Variants in ANO4 observed in about 807,000 individuals in gnomAD.
ANO4 encodes anoctamin 4, also known as anoctamin-4.
In ANO4, 69 loss-of-function variants were observed where a neutral mutation model predicts 141.9. The observed-to-expected ratio is 0.49, with a 90% CI of 0.40 to 0.59. The LOEUF is 0.59. Ranked by LOEUF, ANO4 falls within the 20% of genes least tolerant of loss-of-function variation. The pLI is 0.00. For synonymous variants in ANO4, 350 were observed against 394.3 expected, an observed-to-expected ratio of 0.89 and a Z score of 1.33; for missense variants, 894 against 1,162.2, an observed-to-expected ratio of 0.77 and a Z score of 3.36.
chr12:100,865,090 A>G (rs1166752868), intron 1 of ANO4, among the ~76,000 whole-genome samples: 1 of 152,204 alleles, frequency 6.6e-6, no homozygotes, highest in Non-Finnish European at 1.5e-5. Flanking sequence ...TGCAATAAAC[A>G]TATGTGTGCA....
At chr12:101,039,584 C>T (rs2047336765) in intron 10 of ANO4, among the ~76,000 whole-genome samples, 1 of 152,214 alleles carries the variant, frequency 6.6e-6, no homozygotes, top group African/African-American at 2.4e-5. Context: ...GGGCCAGACA[C>T]TTTATTCATT....
chr12:100,761,272 G>A (rs1057326737), intron 3 of ANO4, among the ~76,000 whole-genome samples: 14 of 152,138 alleles, frequency 9.2e-5, no homozygotes, highest in African/African-American at 3.4e-4. Flanking sequence ...ATCTCTTGGG[G>A]TGATTTCCAG....
At chr12:101,090,658 T>A (rs1458467092) in intron 17 of ANO4, among the ~76,000 whole-genome samples, 1 of 151,936 alleles carries the variant, frequency 6.6e-6, no homozygotes, top group Admixed American at 6.6e-5. Context: ...AATGACGAGT[T>A]AACGGGTGCA....
At chr12:100,852,261 T>C (rs1221498473) in intron 1 of ANO4, 1 of 152,156 alleles carries the variant, frequency 6.6e-6, no homozygotes, top group African/African-American at 2.4e-5. Flanking sequence ...ATATTTCAAA[T>C]AAATAAGAAA....
At chr12:101,100,478 A>G (rs80231230) in intron 22 of ANO4, among the ~76,000 whole-genome samples, 5,532 of 152,220 alleles carry the variant, frequency 0.036, 352 homozygotes, top group African/African-American at 0.13. Flanking sequence ...TAGAGTTTCA[A>G]TTATAGAATG....
chr12:101,038,557 C>T (rs139979278), intron 10 of ANO4: 33 of 152,316 alleles, frequency 2.2e-4, no homozygotes, highest in Admixed American at 2.1e-3. Flanking sequence ...GCAATCATTG[C>T]ATCATTGCTT....
chr12:100,867,047 AT>A (rs1646143302), intron 1 of ANO4, among the ~76,000 whole-genome samples: 1 of 151,960 alleles, frequency 6.6e-6, no homozygotes, highest in African/African-American at 2.4e-5. Context: ...ATGGATCCCG[AT>A]TTTCTTTACT....
At chr12:101,092,009 A>G (rs1039102825) in intron 17 of ANO4, among the ~76,000 whole-genome samples, 68 of 152,142 alleles carry the variant, frequency 4.5e-4, no homozygotes, top group African/African-American at 1.6e-3. Context: ...ATAGAAGTGA[A>G]TAGGATGGAA....
intron 3 of ANO4, among the ~76,000 whole-genome samples, chr12:100,753,377 T>C (rs2032468239): frequency 6.6e-6 from 1 of 152,194 alleles, no homozygotes; most frequent in Non-Finnish European, 1.5e-5. Flanking sequence ...GAGGCCATTT[T>C]ATTTTTCAAG....
intron 1 of ANO4, among the ~76,000 whole-genome samples, chr12:100,888,608 G>A (rs2039953317): frequency 6.6e-6 from 1 of 152,228 alleles, no homozygotes; most frequent in Non-Finnish European, 1.5e-5. Flanking sequence ...TCCTTCTTGT[G>A]CCTCCATTGG....
At chr12:100,830,536 G>T (rs1181029735) in intron 1 of ANO4, among the ~76,000 whole-genome samples, 4 of 151,944 alleles carry the variant, frequency 2.6e-5, no homozygotes, top group Admixed American at 1.3e-4. Context: ...CTTTGGGTAA[G>T]CCCAAAGTGT....
intron 5 of ANO4, among the ~76,000 whole-genome samples, chr12:100,947,226 A>G (rs976229008): frequency 2.6e-5 from 4 of 152,244 alleles, no homozygotes; most frequent in African/African-American, 9.6e-5. Context: ...ATGCTAATAC[A>G]AACTATATAT....
chr12:101,018,606 ACTC>A (rs1206492664), intron 8 of ANO4, among the ~76,000 whole-genome samples: 18 of 151,900 alleles, frequency 1.2e-4, no homozygotes, highest in Admixed American at 5.2e-4. Flanking sequence ...TATTTGAACA[ACTC>A]CTGAGAATTC....
intron 25 of ANO4, 84 bp from the exon 26 acceptor site, chr12:101,120,436 T>C: frequency 1.7e-6 from 2 of 1,166,378 alleles, no homozygotes; most frequent in Non-Finnish European, 2.5e-6. Context: ...TCCTATTGAA[T>C]GAGGACTATA....
chr12:100,743,198 G>A (rs2031949095), intron 3 of ANO4, among the ~76,000 whole-genome samples: 1 of 151,732 alleles, frequency 6.6e-6, no homozygotes, highest in African/African-American at 2.4e-5. Context: ...TTCACAAGAC[G>A]TGATCACATA....
intron 1 of ANO4, among the ~76,000 whole-genome samples, chr12:100,855,583 G>A (rs966158504): frequency 7.9e-5 from 12 of 152,104 alleles, no homozygotes; most frequent in Admixed American, 6.6e-5. Flanking sequence ...TACTTACAGA[G>A]TTTGTTTTCT....
chr12:100,913,492 T>G (rs1292601215), intron 2 of ANO4, among the ~76,000 whole-genome samples: 1 of 152,072 alleles, frequency 6.6e-6, no homozygotes, highest in Non-Finnish European at 1.5e-5. Flanking sequence ...ATTATTGTTA[T>G]AATTGTTCTA....
At chr12:101,050,500 C>A (rs529085441) in intron 14 of ANO4, among the ~76,000 whole-genome samples, 54 of 152,282 alleles carry the variant, frequency 3.5e-4, no homozygotes, top group African/African-American at 1.3e-3. Context: ...TTACTAGAAT[C>A]TATTAGTATC....
chr12:100,884,446 C>T (rs1038070084), intron 1 of ANO4, among the ~76,000 whole-genome samples: 7 of 152,178 alleles, frequency 4.6e-5, no homozygotes, highest in African/African-American at 1.7e-4. Context: ...TGGCTGTGAC[C>T]TGGGTTAAGC....
Sources: gnomAD v4.1 joint callset for allele counts (sites outside exome capture counted in the v4.1 genomes callset) on GRCh38, gnomAD v4.1.1 for gene constraint, MANE v1.5 for transcripts, NCBI Gene and HGNC (gene_info 2026-07-23, HGNC 2026-07-21) for gene names.